TAFA1: variants seen among roughly 807,000 people sequenced by gnomAD.
TAFA1 encodes chemokine-like protein TAFA-1.
In TAFA1, 4 loss-of-function variants were observed where a neutral mutation model predicts 18.5. The observed-to-expected ratio is 0.22, with a 90% CI of 0.11 to 0.49. The LOEUF (loss-of-function observed/expected upper bound fraction) is 0.49. Among genes scored for constraint, TAFA1 ranks in the 20% least tolerant of loss-of-function variants. TAFA1 has a pLI of 0.98. For synonymous variants in TAFA1, 56 were observed against 55.2 expected (o/e 1.01, Z -0.06); for missense variants, 147 against 169.0 (o/e 0.87, Z 0.72).
At chr3:68,330,337 C>T (rs577063668) in intron 2 of TAFA1, among the ~76,000 whole-genome samples, 268 of 152,270 alleles carry the variant, frequency 1.8e-3, no homozygotes, top group Non-Finnish European at 3.0e-3. Context: ...GATCCAGGTG[C>T]TTATTACTGC....
At chr3:68,527,626 C>G (rs934037651) in intron 3 of TAFA1, among the ~76,000 whole-genome samples, 1 of 152,030 alleles carries the variant, frequency 6.6e-6, no homozygotes, top group African/African-American at 2.4e-5. Context: ...CATGCTGTAT[C>G]TTTTTATGCA....
intron 4 of TAFA1, among the ~76,000 whole-genome samples, chr3:68,540,581 A>G (rs575543921): frequency 9.8e-5 from 15 of 152,322 alleles, no homozygotes; most frequent in African/African-American, 3.6e-4. Context: ...TTTGTTTTAA[A>G]CACATTGCTG....
At chr3:68,336,943 C>T (rs1361357014) in intron 2 of TAFA1, among the ~76,000 whole-genome samples, 1 of 151,918 alleles carries the variant, frequency 6.6e-6, no homozygotes, top group Admixed American at 6.5e-5. Flanking sequence ...AGGCTGGTCT[C>T]AAACTCCTGA....
intron 2 of TAFA1, among the ~76,000 whole-genome samples, chr3:68,261,205 C>T (rs2067414036): frequency 6.6e-6 from 1 of 152,106 alleles, no homozygotes; most frequent in African/African-American, 2.4e-5. Flanking sequence ...CAAATCAAAA[C>T]CACAATGAGA....
intron 2 of TAFA1, among the ~76,000 whole-genome samples, chr3:68,085,379 G>C (rs556384567): frequency 5.3e-5 from 8 of 152,288 alleles, no homozygotes; most frequent in Non-Finnish European, 8.8e-5. Flanking sequence ...TAACTTATTT[G>C]ATTATGATTA....
chr3:68,352,848 G>C (rs2069293651), intron 2 of TAFA1, among the ~76,000 whole-genome samples: 2 of 151,992 alleles, frequency 1.3e-5, no homozygotes, highest in Admixed American at 1.3e-4. Context: ...AGCAAAGCAA[G>C]GGAAAGTGAG....
chr3:68,441,121 G>T (rs796197358), intron 3 of TAFA1, among the ~76,000 whole-genome samples: 20 of 152,186 alleles, frequency 1.3e-4, no homozygotes, highest in African/African-American at 4.6e-4. Context: ...AGGCCTAGTG[G>T]GCCTATTTGG....
chr3:68,466,290 C>T (rs2071883235), intron 3 of TAFA1, among the ~76,000 whole-genome samples: 1 of 152,018 alleles, frequency 6.6e-6, no homozygotes, highest in Non-Finnish European at 1.5e-5. Context: ...AGAGTATCAA[C>T]AAAAATGAAA....
At chr3:68,213,091 G>T (rs541455754) in intron 2 of TAFA1, among the ~76,000 whole-genome samples, 1 of 151,608 alleles carries the variant, frequency 6.6e-6, no homozygotes, top group Non-Finnish European at 1.5e-5. Flanking sequence ...TAGCTCCTCT[G>T]CACTTCAACA....
rs150008171 is a variant in TAFA1, at chr3:68,038,488, C to T, written c.118+31744C>T. On this transcript the variant is annotated intron_variant, in intron 2 of 4. Coordinates refer to ENST00000478136, the MANE Select transcript of TAFA1 (RefSeq NM_213609.4). ...GTCTGAGGCTAGAAGCCACGTTCCTCTCTGCTCACAGCTGAATCCATAGTA... is the reference window on the plus strand; with the variant it reads ...GTCTGAGGCTAGAAGCCACGTTCCTTTCTGCTCACAGCTGAATCCATAGTA... 7.7e-3 allele frequency among the ~76,000 whole-genome samples: 1,169 copies of T among 152,204 alleles called. 9 individuals are homozygous for T. The highest frequency in any genetic ancestry group is 0.01 in the Non-Finnish European group (704 of 67,998).
At chr3:68,473,389 G>C (rs1205692443) in intron 3 of TAFA1, among the ~76,000 whole-genome samples, 3 of 152,210 alleles carry the variant, frequency 2.0e-5, no homozygotes, top group African/African-American at 7.2e-5. Context: ...ATCCACAACA[G>C]ATAGAAAATG....
chr3:68,452,479 C>T (rs566414085), intron 3 of TAFA1, among the ~76,000 whole-genome samples: 12 of 149,188 alleles, frequency 8.0e-5, no homozygotes, highest in East Asian at 4.0e-4. Flanking sequence ...GCCGAGATCA[C>T]GCCACTACAC....
At chr3:68,214,946 G>T (rs1312586393) in intron 2 of TAFA1, among the ~76,000 whole-genome samples, 1 of 151,924 alleles carries the variant, frequency 6.6e-6, no homozygotes, top group Admixed American at 6.6e-5. Flanking sequence ...AAAGAAAGTT[G>T]CACTTTTGCT....
At chr3:68,350,359 G>A (rs1362840362) in intron 2 of TAFA1, among the ~76,000 whole-genome samples, 5 of 152,046 alleles carry the variant, frequency 3.3e-5, no homozygotes, top group East Asian at 1.9e-4. Flanking sequence ...TCTTATACAC[G>A]CTGTTCTTAT....
intron 2 of TAFA1, chr3:68,145,495 C>A (rs2065728012): frequency 2.1e-6 from 2 of 953,126 alleles, no homozygotes; most frequent in Non-Finnish European, 3.5e-6. Context: ...TGGTTCTGCC[C>A]AGAAAGCCAG....
rs201655578 is a variant in TAFA1 at position 68,201,070 on chromosome 3, T to C, written c.118+194326T>C. ...CCAACAATTTTGGTAAGTTGTGTTT[T>C]TGTTTTCACTCATTTTATTTAGTTC... is the stretch of plus-strand genomic sequence containing the variant. On this transcript the variant is annotated intron_variant, in intron 2 of 4. Transcript: ENST00000478136. 2.0e-4 allele frequency among the ~76,000 whole-genome samples: 31 copies of C among 151,794 alleles called. No homozygotes were observed. In the East Asian group the frequency reaches 5.9e-3, roughly 29 times the overall value.
intron 2 of TAFA1, among the ~76,000 whole-genome samples, chr3:68,277,183 A>T (rs75163884): frequency 6.6e-6 from 1 of 152,146 alleles, no homozygotes; most frequent in Non-Finnish European, 1.5e-5. Context: ...ACCTTTATTC[A>T]TACCAGAATC....
chr3:68,323,484 A>C (rs2068724908), intron 2 of TAFA1, among the ~76,000 whole-genome samples: 1 of 152,238 alleles, frequency 6.6e-6, no homozygotes, highest in Non-Finnish European at 1.5e-5. Context: ...ATCTGAGTTA[A>C]CTACAGGTCA....
At chr3:68,174,236 C>T (rs13068860) in intron 2 of TAFA1, among the ~76,000 whole-genome samples, 48,030 of 152,030 alleles carry the variant, frequency 0.32, 8,129 homozygotes, top group African/African-American at 0.45. Context: ...TGTGGTCCAT[C>T]GCAATAGAGG....
Sources: allele counts gnomAD v4.1 joint callset (sites outside exome capture counted in the v4.1 genomes callset), GRCh38; gene constraint gnomAD v4.1.1; transcripts MANE v1.5; gene names NCBI Gene and HGNC (gene_info 2026-07-23, HGNC 2026-07-21).